Variants in CFAP69 observed in about 807,000 individuals in gnomAD.
The protein encoded by CFAP69 is cilia- and flagella-associated protein 69.
Under a neutral mutation model 123.0 loss-of-function variants are expected in CFAP69, and 92 were observed. That is an observed-to-expected ratio of 0.75 (90% CI 0.63 to 0.89). The LOEUF is 0.89. Ranked by LOEUF, CFAP69 falls within the 40% of genes least tolerant of loss-of-function variation. CFAP69 has a pLI of 0.00. For synonymous variants in CFAP69, 380 were observed against 364.3 expected, an observed-to-expected ratio of 1.04 and a Z score of -0.49; for missense variants, 1,067 against 1,096.9, an observed-to-expected ratio of 0.97 and a Z score of 0.39.
chr7:90,254,078 A>G (rs906089216), intron 1 of CFAP69, among the ~76,000 whole-genome samples: 9 of 152,134 alleles, frequency 5.9e-5, no homozygotes, highest in Admixed American at 5.2e-4. Flanking sequence ...TCCTGACACC[A>G]TTTATTGAAG....
At chr7:90,255,870 T>C (rs902684381) in intron 2 of CFAP69, among the ~76,000 whole-genome samples, 1 of 152,128 alleles carries the variant, frequency 6.6e-6, no homozygotes, top group Non-Finnish European at 1.5e-5. Context: ...CACACAAACA[T>C]GTACACATAG....
intron 12 of CFAP69, 96 bp downstream of exon 12, chr7:90,279,989 A>C (rs777314625): frequency 1.8e-5 from 16 of 889,682 alleles, no homozygotes; most frequent in Non-Finnish European, 2.4e-5. Flanking sequence ...AGTTAATTAA[A>C]GCAATGAGAA....
intron 11 of CFAP69, 25 bp downstream of exon 11, chr7:90,277,359 A>T: frequency 7.0e-7 from 1 of 1,438,744 alleles, no homozygotes; most frequent in Non-Finnish European, 9.2e-7. Context: ...AGGCAGGAAA[A>T]TCAATAAAAA....
intron 5 of CFAP69, among the ~76,000 whole-genome samples, chr7:90,265,584 C>G (rs896693335): frequency 3.9e-5 from 6 of 152,148 alleles, no homozygotes; most frequent in Non-Finnish European, 5.9e-5. Flanking sequence ...AATAAAAGTC[C>G]ATCTTCTAAG....
At chr7:90,306,244 T>C (rs1793577621) in intron 19 of CFAP69, among the ~76,000 whole-genome samples, 1 of 152,112 alleles carries the variant, frequency 6.6e-6, no homozygotes, top group Admixed American at 6.5e-5. Flanking sequence ...CATAGATATA[T>C]AATTTTTTTC....
intron 15 of CFAP69, among the ~76,000 whole-genome samples, chr7:90,296,932 G>C (rs2117287187): frequency 6.6e-6 from 1 of 152,126 alleles, no homozygotes; most frequent in Non-Finnish European, 1.5e-5. Flanking sequence ...TGGAATAGTT[G>C]GTAAATGTCT....
downstream of CFAP69, among the ~76,000 whole-genome samples, chr7:90,313,225 A>G (rs1053166872): frequency 2.0e-5 from 3 of 152,204 alleles, no homozygotes; most frequent in African/African-American, 7.2e-5. Flanking sequence ...ATACTCCTCT[A>G]AACTGTGACC....
chr7:90,286,444 A>G, intron 14 of CFAP69, 45 bp downstream of exon 14: 1 of 1,571,922 alleles, frequency 6.4e-7, no homozygotes, highest in Non-Finnish European at 8.6e-7. Context: ...CCAGTCACCT[A>G]ACACTATAAA....
rs188832043 is a variant in CFAP69 at position 90,264,139 on chromosome 7, A to G, written c.357-1162A>G. Reference sequence around the variant, plus strand: ...TATATATATATATATATATATATATATATATATATATGAATTAAAAGTCCT... The same window carrying G: ...TATATATATATATATATATATATATGTATATATATATGAATTAAAAGTCCT... On this transcript the variant is annotated intron_variant, in intron 4 of 22. Transcript: ENST00000389297. Among the ~76,000 whole-genome samples, 865 of 131,176 alleles carry G rather than the reference A, an allele frequency of 6.6e-3. 70 individuals carry two copies. Among genetic ancestry groups the G allele is most frequent in the East Asian group, 0.046 (186 of 4,086 alleles). The allele number at this position is 131,176 out of a possible 152,430, so 86.1% of individuals were successfully genotyped here. A position where few individuals can be genotyped will look rare whatever the true frequency, so the allele number is the denominator to read the frequency against.
At chr7:90,255,521 C>T (rs1226586099) in intron 2 of CFAP69, 39 bp downstream of exon 2, 2 of 1,436,874 alleles carry the variant, frequency 1.4e-6, no homozygotes, top group Admixed American at 3.4e-5. Flanking sequence ...CGCTGCATTA[C>T]TTACAAACTA....
intron 1 of CFAP69, among the ~76,000 whole-genome samples, chr7:90,250,349 C>T (rs764628610): frequency 2.0e-5 from 3 of 152,114 alleles, no homozygotes; most frequent in Non-Finnish European, 2.9e-5. Context: ...GTGGCTTTAA[C>T]AAGTTAGGTC....
At chr7:90,258,387 T>G (rs553213490) in intron 3 of CFAP69, among the ~76,000 whole-genome samples, 2 of 152,158 alleles carry the variant, frequency 1.3e-5, no homozygotes, top group African/African-American at 2.4e-5. Flanking sequence ...TCCTGAAGAC[T>G]CTAGAAAGGA....
intron 15 of CFAP69, among the ~76,000 whole-genome samples, chr7:90,294,385 C>T (rs1791625836): frequency 6.6e-6 from 1 of 152,102 alleles, no homozygotes; most frequent in Admixed American, 6.6e-5. Flanking sequence ...CTACTTTTTA[C>T]TTTTCTGAAA....
At chr7:90,296,811 C>T (rs1792053193) in intron 15 of CFAP69, among the ~76,000 whole-genome samples, 1 of 152,156 alleles carries the variant, frequency 6.6e-6, no homozygotes, top group Non-Finnish European at 1.5e-5. Flanking sequence ...TCAGAAATTT[C>T]CTGATTGCTA....
At chr7:90,293,613 T>G (rs1365013941) in intron 15 of CFAP69, among the ~76,000 whole-genome samples, 2 of 152,222 alleles carry the variant, frequency 1.3e-5, no homozygotes, top group African/African-American at 2.4e-5. Flanking sequence ...TCTTATAATC[T>G]TTTGCCAAAA....
intron 11 of CFAP69, among the ~76,000 whole-genome samples, chr7:90,277,782 C>T (rs978675354): frequency 5.9e-5 from 9 of 152,094 alleles, no homozygotes; most frequent in African/African-American, 2.2e-4. Flanking sequence ...CTTTTACTCT[C>T]TATGAATTTA....
chr7:90,314,494 T>C (rs1170221474), downstream of CFAP69, among the ~76,000 whole-genome samples: 1 of 151,718 alleles, frequency 6.6e-6, no homozygotes, highest in Non-Finnish European at 1.5e-5. Context: ...AGTGGTGGTG[T>C]AGACCACAAC....
intron 4 of CFAP69, among the ~76,000 whole-genome samples, chr7:90,262,797 T>C (rs1798508155): frequency 6.6e-6 from 1 of 151,846 alleles, no homozygotes; most frequent in Admixed American, 6.6e-5. Context: ...AATATATAAA[T>C]AATAGAAAGG....
At chr7:90,265,463 C>A in intron 5 of CFAP69, 86 bp downstream of exon 5, 2 of 827,372 alleles carry the variant, frequency 2.4e-6, no homozygotes, top group Non-Finnish European at 4.0e-6. Flanking sequence ...CCAAGTTTCA[C>A]TAAGAGGACT....
Sources: gnomAD v4.1 joint callset for allele counts (sites outside exome capture counted in the v4.1 genomes callset) on GRCh38, gnomAD v4.1.1 for gene constraint, MANE v1.5 for transcripts, NCBI Gene and HGNC (gene_info 2026-07-23, HGNC 2026-07-21) for gene names.